Variants in UBOX5 observed in about 807,000 individuals in gnomAD.
UBOX5 encodes the protein U-box domain containing 5, also known as RING finger protein 37.
Under a neutral mutation model 39.0 loss-of-function variants are expected in UBOX5, and 28 were observed. That is an observed-to-expected ratio of 0.72 (90% confidence interval 0.53 to 0.98). UBOX5 has a LOEUF of 0.98. Among genes scored for constraint, UBOX5 ranks in the 50% least tolerant of loss-of-function variants. The pLI is 0.00. For missense variants in UBOX5, 585 were observed against 674.4 expected, an observed-to-expected ratio of 0.87 and a Z score of 1.47; for synonymous variants, 283 against 275.5, an observed-to-expected ratio of 1.03 and a Z score of -0.27.
At chr20:3,142,772 CAAAAA>C (rs58907108) in intron 1 of UBOX5, among the ~76,000 whole-genome samples, 1 of 77,770 alleles carries the variant, frequency 1.3e-5, no homozygotes, top group Non-Finnish European at 2.3e-5. Flanking sequence ...AACTCTGTCT[CAAAAA>C]AAAAAAAAAA....
At chr20:3,148,013 C>T (rs2066585934) in intron 1 of UBOX5, 2 of 1,614,188 alleles carry the variant, frequency 1.2e-6, no homozygotes, top group African/African-American at 1.3e-5. Flanking sequence ...TAAGGAGCGA[C>T]TACTCAGATG....
rs553657959 is a variant in UBOX5 at position 3,159,843 on chromosome 20, C to G, written c.-119G>C. ...GGCGGCGACACAGATACTGGCTCCT[C>G]CGGCGACTCCGAGCCTCACAGCCCC... On this transcript the variant is annotated 5_prime_UTR_variant, in exon 1 of 5. Coordinates refer to ENST00000217173, the MANE Select transcript of UBOX5 (RefSeq NM_014948.4). 4.6e-5 allele frequency: 7 copies of G among 152,432 alleles called. No homozygotes were observed. The highest frequency in any genetic ancestry group is 1.9e-4 in the East Asian group (1 of 5,188). The allele number at this position is 152,432 out of a possible 1,614,324, so 9.4% of individuals were successfully genotyped here.
At chr20:3,113,349 G>A (rs2066269370) in intron 4 of UBOX5, among the ~76,000 whole-genome samples, 1 of 151,614 alleles carries the variant, frequency 6.6e-6, no homozygotes, top group South Asian at 2.1e-4. Context: ...AGATAAGACT[G>A]CAGAGGAGGA....
At chr20:3,120,069 G>T (rs1337533648) in intron 3 of UBOX5, among the ~76,000 whole-genome samples, 1 of 151,562 alleles carries the variant, frequency 6.6e-6, no homozygotes. Context: ...CAAGAATGTT[G>T]CAGGCCAGGC....
rs1313642628 is a variant in UBOX5 at position 3,122,291 on chromosome 20, G to A, written c.348C>T (p.Thr116=). 2.5e-6 allele frequency: 4 copies of A among 1,614,104 alleles called. No individual in the cohort carries two copies. The highest frequency in any genetic ancestry group is 1.6e-4 in the Middle Eastern group (1 of 6,084). ...TTTTCAGTAAGACTTTGCCTACCAA[G>A]GTGAACGCCTCCTTGTCTGGGACAG... ...EPSVPDKEAF[T]LVGKVLLKNQ... is the part of the protein sequence containing the mutation. The change falls in exon 3 of 5, where the codon ACC becomes ACT. Residue 116 remains threonine (T), a synonymous_variant. Transcript: ENST00000217173.
At chr20:3,124,133 A>C (rs2066358992) in intron 1 of UBOX5, among the ~76,000 whole-genome samples, 1 of 152,192 alleles carries the variant, frequency 6.6e-6, no homozygotes, top group Admixed American at 6.5e-5. Context: ...CAGGAGTTCA[A>C]GGCTGCAGTG....
Position 3,151,433 on chromosome 20 carries a change from G to A in UBOX5, c.-42+8333C>T, listed in dbSNP as rs941213696. ...GCCTGCAAAGCATATTTAGTGTTTG[G>A]TCTATTACATAAAAAGTCTGCTGAT... On this transcript the variant is annotated intron_variant, in intron 1 of 4. Transcript: ENST00000217173. Among the ~76,000 whole-genome samples the A allele has an allele frequency of 1.3e-5, 2 of 152,266 alleles. 1 individual carries two copies.
At chr20:3,132,314 CA>C (rs1222584697) in intron 1 of UBOX5, among the ~76,000 whole-genome samples, 1 of 151,704 alleles carries the variant, frequency 6.6e-6, no homozygotes, top group African/African-American at 2.4e-5. Flanking sequence ...TGTCTCAAAA[CA>C]AAACAGAACA....
chr20:3,115,465 A>G lies in UBOX5; in HGVS notation c.1257T>C (p.Gly419=). Residue 419 remains glycine (G), a splice_region_variant and synonymous_variant, in exon 4 of 5, where the codon GGT becomes GGC. Coordinates refer to ENST00000217173, the MANE Select transcript of UBOX5 (RefSeq NM_014948.4). ...ACAGCTTCTGCTCGTGGGACAGTGG[A>G]CCTGTCGAGAGATGCGCACAGCACA... is the stretch of plus-strand genomic sequence containing the variant. ...PSLTHMDCST[G]PLSHEQKLSQ... is the part of the protein sequence containing the mutation. The G allele has an allele frequency of 6.2e-7, 1 of 1,612,164 alleles. No individual in the cohort carries two copies. The highest frequency in any genetic ancestry group is 2.2e-5 in the East Asian group (1 of 44,848).
chr20:3,124,946 G>A (rs1410374159), intron 1 of UBOX5, among the ~76,000 whole-genome samples: 6 of 141,830 alleles, frequency 4.2e-5, no homozygotes, highest in East Asian at 2.2e-4. Flanking sequence ...AGCGAGGAGC[G>A]CTGCTGCCCG....
intron 1 of UBOX5, among the ~76,000 whole-genome samples, chr20:3,157,662 T>C (rs1049760072): frequency 4.6e-5 from 7 of 152,236 alleles, no homozygotes; most frequent in Admixed American, 4.6e-4. Flanking sequence ...TAGGCACTCA[T>C]GTCCTCTCAG....
At chr20:3,133,034 A>G (rs857248) in intron 1 of UBOX5, among the ~76,000 whole-genome samples, 112,588 of 152,000 alleles carry the variant, frequency 0.74, 43,258 homozygotes, top group East Asian at 0.99. Flanking sequence ...CTCAGGACTG[A>G]AGATCAAATT....
In UBOX5 at chr20:3,123,389, C is replaced by G. The variant is rs776945793; in HGVS notation, c.-24G>C. The G allele has an allele frequency of 3.7e-6, 6 of 1,611,238 alleles. No homozygotes were observed. In the Admixed American group the frequency reaches 5.0e-5, roughly 13 times the overall value. ...ATCTTTGTGGCTGAGAGGATATCTT[C>G]CAAGCATCAGAAGCAGCCTTAAATA... On this transcript the variant is annotated 5_prime_UTR_variant, in exon 2 of 5. Transcript: ENST00000217173.
At chr20:3,143,040 A>G (rs968479707) in intron 1 of UBOX5, among the ~76,000 whole-genome samples, 1 of 151,706 alleles carries the variant, frequency 6.6e-6, no homozygotes, top group Non-Finnish European at 1.5e-5. Flanking sequence ...CAGCAACAAA[A>G]AAAATTATTA....
chr20:3,143,517 G>A lies in UBOX5; in HGVS notation c.-42+16249C>T, dbSNP rs544534538. ...AATAATTAGGAATAAAGTTAACATC[G>A]GGGTACAGTGGCTCACACCTGTAAT... On this transcript the variant is annotated intron_variant, in intron 1 of 4. Coordinates refer to ENST00000217173, the MANE Select transcript of UBOX5 (RefSeq NM_014948.4). Among the ~76,000 whole-genome samples the A allele has an allele frequency of 1.5e-4, 23 of 152,078 alleles. No homozygotes were observed. In the South Asian group the frequency reaches 3.3e-3, roughly 22 times the overall value.
rs5839987 is a variant in UBOX5 at position 3,130,333 on chromosome 20, C to CTTTT, written c.-41-6931_-41-6928dup. Among the ~76,000 whole-genome samples, 702 of 132,182 alleles carry CTTTT rather than the reference C, an allele frequency of 5.3e-3. 14 individuals are homozygous for CTTTT. Among genetic ancestry groups the CTTTT allele is most frequent in the African/African-American group, 0.019 (667 of 34,978 alleles). 86.7% of individuals were successfully genotyped at this position (132,182 alleles called of 152,430 possible). ...TGGGAGACATTTAGGTTGTTTATGC[C>CTTTT]TTTTTTTTTTTTTTTTTTAAAGACA... On this transcript the variant is annotated intron_variant, in intron 1 of 4. Coordinates refer to ENST00000217173, the MANE Select transcript of UBOX5 (RefSeq NM_014948.4).
chr20:3,157,877 T>C (rs543285348), intron 1 of UBOX5, among the ~76,000 whole-genome samples: 2 of 152,250 alleles, frequency 1.3e-5, no homozygotes, highest in African/African-American at 4.8e-5. Context: ...TTCAGACAAA[T>C]AAAGAAGGAG....
chr20:3,117,999 A>G (rs2066306518), intron 3 of UBOX5, among the ~76,000 whole-genome samples: 1 of 152,018 alleles, frequency 6.6e-6, no homozygotes, highest in Non-Finnish European at 1.5e-5. Context: ...CTCAAAAAAT[A>G]AAAATAAAAA....
At chr20:3,150,018 CAAAA>C (rs1358453716) in intron 1 of UBOX5, among the ~76,000 whole-genome samples, 1 of 110,552 alleles carries the variant, frequency 9.0e-6, no homozygotes, top group Admixed American at 9.6e-5. Context: ...GACTCCATCT[CAAAA>C]AAAAAAAAAA....
Sources: allele counts gnomAD v4.1 joint callset (sites outside exome capture counted in the v4.1 genomes callset), GRCh38; gene constraint gnomAD v4.1.1; transcripts MANE v1.5; gene names NCBI Gene and HGNC (gene_info 2026-07-23, HGNC 2026-07-21).